Variants in MBNL2 observed in about 807,000 individuals in gnomAD.
MBNL2 encodes the protein muscleblind like splicing regulator 2, also known as muscleblind-like protein 2.
A neutral mutation model predicts 41.9 loss-of-function variants in MBNL2; 17 were observed. The observed-to-expected ratio is 0.41, with a 90% confidence interval of 0.28 to 0.61. MBNL2 has a LOEUF of 0.61. Ranked by LOEUF, MBNL2 falls within the 20% of genes least tolerant of loss-of-function variation. MBNL2 has a pLI of 0.35. For missense variants in MBNL2, 336 were observed against 505.6 expected (o/e 0.66, Z 3.22); for synonymous variants, 195 against 182.9 (o/e 1.07, Z -0.53).
chr13:97,163,928 T>C, the MBNL2 span, among the ~76,000 whole-genome samples: 2 of 152,234 alleles, frequency 1.3e-5, no homozygotes, highest in Admixed American at 6.5e-5. Flanking sequence ...TACCAGAAGC[T>C]GGACTAGGCA....
intron 1 of MBNL2, among the ~76,000 whole-genome samples, chr13:97,232,350 T>C (rs541743953): frequency 1.3e-5 from 2 of 152,330 alleles, no homozygotes; most frequent in African/African-American, 4.8e-5. Flanking sequence ...AGATGGCCGG[T>C]ATTTTTATGC....
intron 2 of MBNL2, among the ~76,000 whole-genome samples, chr13:97,307,338 C>T (rs1446543267): frequency 6.6e-6 from 1 of 151,470 alleles, no homozygotes; most frequent in Non-Finnish European, 1.5e-5. Context: ...GTGCCAAAGC[C>T]TTAAATTGGT....
At chr13:97,229,426 T>C (rs1161038642) in intron 1 of MBNL2, among the ~76,000 whole-genome samples, 1 of 152,108 alleles carries the variant, frequency 6.6e-6, no homozygotes, top group Non-Finnish European at 1.5e-5. Flanking sequence ...TCTTATATAT[T>C]ATTTAGCTCA....
intron 3 of MBNL2, among the ~76,000 whole-genome samples, chr13:97,337,620 T>C (rs1159643779): frequency 6.6e-6 from 1 of 152,186 alleles, no homozygotes; most frequent in African/African-American, 2.4e-5. Context: ...GGCTCACATA[T>C]CCACCTTTCT....
chr13:97,159,114 C>T, the MBNL2 span, among the ~76,000 whole-genome samples: 1 of 152,102 alleles, frequency 6.6e-6, no homozygotes, highest in African/African-American at 2.4e-5. Context: ...TGATAGTTAG[C>T]TCTTCTTGTT....
intron 2 of MBNL2, among the ~76,000 whole-genome samples, chr13:97,312,345 A>T (rs1403593713): frequency 6.6e-6 from 1 of 152,098 alleles, no homozygotes; most frequent in Non-Finnish European, 1.5e-5. Context: ...TACTTGCAGC[A>T]TTTCTTCCAT....
intron 2 of MBNL2, among the ~76,000 whole-genome samples, chr13:97,294,754 T>C (rs2056762438): frequency 1.3e-5 from 2 of 152,220 alleles, no homozygotes; most frequent in South Asian, 4.1e-4. Flanking sequence ...CTGAAGGTCT[T>C]ACTTAAAGTT....
At chr13:97,349,433 C>CATTGT (rs1437935888) in intron 5 of MBNL2, among the ~76,000 whole-genome samples, 1 of 151,984 alleles carries the variant, frequency 6.6e-6, no homozygotes, top group Non-Finnish European at 1.5e-5. Flanking sequence ...ATTTTTTTTT[C>CATTGT]ATTGTAATCA....
chr13:97,275,115 C>A (rs778382176), intron 1 of MBNL2, among the ~76,000 whole-genome samples: 1 of 151,976 alleles, frequency 6.6e-6, no homozygotes, highest in African/African-American at 2.4e-5. Context: ...TATTAAGATA[C>A]CTGAGAAAAA....
intron 5 of MBNL2, among the ~76,000 whole-genome samples, chr13:97,356,327 C>T (rs2062980466): frequency 6.6e-6 from 1 of 152,180 alleles, no homozygotes; most frequent in African/African-American, 2.4e-5. Context: ...AAAATTTCAA[C>T]TTGGGTCATA....
chr13:97,246,740 G>T (rs1165105666), intron 1 of MBNL2, among the ~76,000 whole-genome samples: 1 of 152,154 alleles, frequency 6.6e-6, no homozygotes, highest in African/African-American at 2.4e-5. Context: ...AAAAAAAGAT[G>T]CATTGTACCA....
the MBNL2 span, among the ~76,000 whole-genome samples, chr13:97,206,130 C>T: frequency 6.6e-6 from 1 of 152,298 alleles, no homozygotes; most frequent in Non-Finnish European, 1.5e-5. Flanking sequence ...CCTTCTCTAT[C>T]AGTCATATCT....
the MBNL2 span, among the ~76,000 whole-genome samples, chr13:97,148,899 T>G: frequency 2.6e-5 from 4 of 152,236 alleles, no homozygotes; most frequent in Non-Finnish European, 5.9e-5. Flanking sequence ...GCGTATGCAC[T>G]AACATACACA....
At chr13:97,302,569 G>A (rs1320325909) in intron 2 of MBNL2, among the ~76,000 whole-genome samples, 5 of 152,118 alleles carry the variant, frequency 3.3e-5, no homozygotes, top group Admixed American at 6.6e-5. Context: ...TATGATATTG[G>A]GCCCATTTTG....
chr13:97,181,885 T>A, the MBNL2 span, among the ~76,000 whole-genome samples: 10 of 152,174 alleles, frequency 6.6e-5, no homozygotes, highest in Admixed American at 2.6e-4. Flanking sequence ...GTAACTGAGA[T>A]CTTCTGGTTG....
chr13:97,221,665 T>C (rs145512454), upstream of MBNL2: 1 of 152,324 alleles, frequency 6.6e-6, no homozygotes, highest in East Asian at 1.9e-4. Context: ...TGTATAGATA[T>C]CAATTTTATT....
chr13:97,316,399 C>T (rs919164908), intron 2 of MBNL2, among the ~76,000 whole-genome samples: 2 of 152,218 alleles, frequency 1.3e-5, no homozygotes, highest in African/African-American at 2.4e-5. Context: ...TCTAAAACAC[C>T]AGTGAGATCA....
intron 8 of MBNL2, among the ~76,000 whole-genome samples, chr13:97,367,658 A>G (rs2153125798): frequency 6.6e-6 from 1 of 152,270 alleles, no homozygotes; most frequent in East Asian, 1.9e-4. Flanking sequence ...GAATGCAGGA[A>G]TAAAAGTTAA....
intron 1 of MBNL2, among the ~76,000 whole-genome samples, chr13:97,253,985 G>T (rs1394660152): frequency 1.3e-5 from 2 of 152,062 alleles, no homozygotes; most frequent in Non-Finnish European, 2.9e-5. Flanking sequence ...CGCCTCCTGG[G>T]TTCAAGCGAT....
Sources: gnomAD v4.1 joint callset for allele counts (sites outside exome capture counted in the v4.1 genomes callset) on GRCh38, gnomAD v4.1.1 for gene constraint, MANE v1.5 for transcripts, NCBI Gene and HGNC (gene_info 2026-07-23, HGNC 2026-07-21) for gene names.